Variants in ATP10B observed in about 807,000 individuals in gnomAD.
The protein encoded by ATP10B is phospholipid-transporting ATPase VB.
ATP10B carries 122 observed loss-of-function variants against 141.2 expected under a neutral mutation model. The ratio of observed to expected loss-of-function variants is 0.86; its 90% CI spans 0.75 to 1.00. ATP10B has a LOEUF of 1.00. Among genes scored for constraint, ATP10B ranks in the 50% least tolerant of loss-of-function variants. ATP10B has a pLI of 0.00. For missense variants in ATP10B, 1,876 were observed against 1,825.3 expected (o/e 1.03, Z -0.51); for synonymous variants, 685 against 692.0 (o/e 0.99, Z 0.16).
intron 1 of ATP10B, among the ~76,000 whole-genome samples, chr5:160,819,510 A>G (rs1773942004): frequency 6.6e-6 from 1 of 152,218 alleles, no homozygotes; most frequent in South Asian, 2.1e-4. Context: ...GGTTATGGTA[A>G]GTACACAGAA....
chr5:160,800,807 A>T (rs114998332), intron 1 of ATP10B, among the ~76,000 whole-genome samples: 284 of 152,350 alleles, frequency 1.9e-3, no homozygotes, highest in African/African-American at 6.5e-3. Context: ...GAAGAATGAC[A>T]TCAGCTTAAG....
chr5:160,671,122 G>A (rs1301153227), intron 6 of ATP10B, among the ~76,000 whole-genome samples: 3 of 127,458 alleles, frequency 2.4e-5, no homozygotes, highest in African/African-American at 3.0e-5. Context: ...CCGAGATTGC[G>A]CCACTGCACT....
At chr5:160,605,748 C>A (rs1251549654) in intron 19 of ATP10B, among the ~76,000 whole-genome samples, 1 of 152,048 alleles carries the variant, frequency 6.6e-6, no homozygotes, top group Non-Finnish European at 1.5e-5. Context: ...GAGGCTGGCA[C>A]CATCTGTAAG....
intron 2 of ATP10B, among the ~76,000 whole-genome samples, chr5:160,721,413 T>C (rs774416158): frequency 2.6e-5 from 4 of 152,194 alleles, no homozygotes; most frequent in Non-Finnish European, 5.9e-5. Context: ...TGTCACTGCA[T>C]AAAGGAAGAA....
intron 2 of ATP10B, among the ~76,000 whole-genome samples, chr5:160,778,507 G>T (rs970298594): frequency 6.6e-6 from 1 of 152,112 alleles, no homozygotes; most frequent in African/African-American, 2.4e-5. Flanking sequence ...TTAAGTATCT[G>T]GGCAGCAGAA....
intron 21 of ATP10B, among the ~76,000 whole-genome samples, chr5:160,600,321 T>C (rs1181691860): frequency 6.6e-6 from 1 of 152,176 alleles, no homozygotes; most frequent in Non-Finnish European, 1.5e-5. Context: ...ATCTGAATTT[T>C]CAAAGTTCTT....
intron 13 of ATP10B, among the ~76,000 whole-genome samples, chr5:160,631,099 G>T (rs1758902337): frequency 6.6e-6 from 1 of 152,176 alleles, no homozygotes; most frequent in South Asian, 2.1e-4. Flanking sequence ...GGAAAAAATT[G>T]GCCAAAAGGA....
intron 2 of ATP10B, among the ~76,000 whole-genome samples, chr5:160,727,552 T>G (rs1766444144): frequency 6.6e-6 from 1 of 152,188 alleles, no homozygotes; most frequent in Non-Finnish European, 1.5e-5. Flanking sequence ...TGAGGGTGTT[T>G]TCATTTTTAT....
chr5:160,600,998 A>G (rs1213492450), intron 21 of ATP10B, among the ~76,000 whole-genome samples: 1 of 152,248 alleles, frequency 6.6e-6, no homozygotes, highest in East Asian at 1.9e-4. Flanking sequence ...TTCCTATTTC[A>G]CAAATTTAAT....
intron 2 of ATP10B, among the ~76,000 whole-genome samples, chr5:160,767,729 A>G (rs887538804): frequency 6.7e-6 from 1 of 148,548 alleles, no homozygotes; most frequent in Non-Finnish European, 1.5e-5. Flanking sequence ...GCTCCCTAAC[A>G]AAAGCAGTTT....
At chr5:160,597,143 T>C (rs1196146832) in intron 22 of ATP10B, among the ~76,000 whole-genome samples, 1 of 152,158 alleles carries the variant, frequency 6.6e-6, no homozygotes, top group African/African-American at 2.4e-5. Flanking sequence ...GACCTCAAAC[T>C]ATACTACAAG....
At chr5:160,876,841 G>A in the ATP10B span, among the ~76,000 whole-genome samples, 2 of 149,302 alleles carry the variant, frequency 1.3e-5, no homozygotes, top group African/African-American at 4.9e-5. Flanking sequence ...CCAGGAAGAA[G>A]TTGAATCTCT....
At chr5:160,652,472 T>C (rs1197379392) in intron 7 of ATP10B, among the ~76,000 whole-genome samples, 2 of 114,074 alleles carry the variant, frequency 1.8e-5, no homozygotes, top group African/African-American at 3.2e-5. Context: ...TTTATTTATT[T>C]ATTCGAGACA....
chr5:160,855,327 G>T (rs775249171), upstream of ATP10B, among the ~76,000 whole-genome samples: 1 of 151,966 alleles, frequency 6.6e-6, no homozygotes, highest in Non-Finnish European at 1.5e-5. Context: ...ATTTCAATAG[G>T]TGTATAGCAA....
intron 22 of ATP10B, among the ~76,000 whole-genome samples, chr5:160,595,215 CTA>C (rs1327849218): frequency 2.0e-5 from 3 of 152,156 alleles, no homozygotes; most frequent in Non-Finnish European, 4.4e-5. Context: ...TGCAATCAAA[CTA>C]GAACTCAGGA....
At chr5:160,594,970 A>T (rs1756576659) in intron 22 of ATP10B, among the ~76,000 whole-genome samples, 1 of 152,206 alleles carries the variant, frequency 6.6e-6, no homozygotes, top group African/African-American at 2.4e-5. Context: ...TACTGTCAAC[A>T]TTAGACAGAT....
intron 1 of ATP10B, among the ~76,000 whole-genome samples, chr5:160,810,770 A>G (rs957325588): frequency 1.1e-4 from 16 of 152,082 alleles, no homozygotes; most frequent in African/African-American, 3.1e-4. Context: ...ATGGATTGTA[A>G]TTTTTATCAG....
intron 3 of ATP10B, among the ~76,000 whole-genome samples, chr5:160,704,063 G>GT (rs1366660280): frequency 1.3e-5 from 2 of 152,066 alleles, no homozygotes; most frequent in African/African-American, 4.8e-5. Context: ...GCTCACTGCA[G>GT]TCTTAAACTC....
At chr5:160,684,570 T>C (rs930679663) in intron 6 of ATP10B, among the ~76,000 whole-genome samples, 15 of 152,192 alleles carry the variant, frequency 9.9e-5, no homozygotes, top group Non-Finnish European at 2.9e-5. Flanking sequence ...TGAGAATATA[T>C]GCAAAACTGT....
Sources: gnomAD v4.1 joint callset for allele counts (sites outside exome capture counted in the v4.1 genomes callset) on GRCh38, gnomAD v4.1.1 for gene constraint, MANE v1.5 for transcripts, NCBI Gene and HGNC (gene_info 2026-07-23, HGNC 2026-07-21) for gene names.